Variants in DNM3 observed in about 807,000 individuals in gnomAD.
DNM3 encodes the protein dynamin 3.
Under a neutral mutation model 101.6 loss-of-function variants are expected in DNM3, and 47 were observed. The ratio of observed to expected loss-of-function variants is 0.46; its 90% confidence interval spans 0.37 to 0.59. The LOEUF (loss-of-function observed/expected upper bound fraction) is 0.59. DNM3 is among the 20% of genes least tolerant of loss of function. DNM3 has a pLI of 0.00. For synonymous variants in DNM3, 385 were observed against 387.9 expected, an observed-to-expected ratio of 0.99 and a Z score of 0.09; for missense variants, 849 against 1,085.7, an observed-to-expected ratio of 0.78 and a Z score of 3.06.
chr1:172,017,013 C>T (rs147846058), intron 4 of DNM3, among the ~76,000 whole-genome samples: 253 of 152,218 alleles, frequency 1.7e-3, no homozygotes, highest in Middle Eastern at 3.4e-3. Flanking sequence ...TTTAGGTTTT[C>T]AAATTTATGG....
intron 10 of DNM3, among the ~76,000 whole-genome samples, chr1:172,049,835 C>G (rs2050080956): frequency 6.6e-6 from 1 of 151,984 alleles, no homozygotes; most frequent in African/African-American, 2.4e-5. Flanking sequence ...TATTAGTTCC[C>G]AGTTACCTGA....
At chr1:172,056,869 G>T (rs1242161520) in intron 10 of DNM3, among the ~76,000 whole-genome samples, 1 of 152,182 alleles carries the variant, frequency 6.6e-6, no homozygotes, top group Admixed American at 6.5e-5. Context: ...GCTGAGAGAA[G>T]AAGGCTTCAG....
intron 14 of DNM3, among the ~76,000 whole-genome samples, chr1:172,150,276 C>T (rs979389948): frequency 3.9e-5 from 6 of 152,090 alleles, no homozygotes; most frequent in African/African-American, 1.4e-4. Context: ...AAAAAAAGTA[C>T]TTGGCATATA....
At chr1:172,118,581 T>C (rs2056084513) in intron 13 of DNM3, among the ~76,000 whole-genome samples, 1 of 152,186 alleles carries the variant, frequency 6.6e-6, no homozygotes, top group African/African-American at 2.4e-5. Flanking sequence ...TGGAAGATTT[T>C]TTTTTTCTGC....
At chr1:171,893,801 A>G (rs912110601) in intron 1 of DNM3, among the ~76,000 whole-genome samples, 2 of 151,890 alleles carry the variant, frequency 1.3e-5, no homozygotes, top group Non-Finnish European at 2.9e-5. Flanking sequence ...TCAATCCAAT[A>G]TAAGTTGAAA....
At chr1:172,343,342 AAG>A (rs71728776) in intron 17 of DNM3, among the ~76,000 whole-genome samples, 1,642 of 152,300 alleles carry the variant, frequency 0.011, 36 homozygotes, top group African/African-American at 0.037. Context: ...ACTAATTAAA[AAG>A]AGAGGAACTG....
intron 4 of DNM3, among the ~76,000 whole-genome samples, chr1:172,027,380 C>T (rs1381421760): frequency 6.6e-6 from 1 of 151,948 alleles, no homozygotes; most frequent in African/African-American, 2.4e-5. Context: ...GTCAGGAGTT[C>T]GAGACCAGCC....
At chr1:172,363,692 T>C (rs2067863414) in intron 17 of DNM3, among the ~76,000 whole-genome samples, 1 of 151,874 alleles carries the variant, frequency 6.6e-6, no homozygotes, top group African/African-American at 2.4e-5. Flanking sequence ...TCCTTTCTGG[T>C]GACCTTTCAA....
chr1:172,367,605 A>G (rs1377110217), intron 17 of DNM3, among the ~76,000 whole-genome samples: 1 of 151,904 alleles, frequency 6.6e-6, no homozygotes, highest in Non-Finnish European at 1.5e-5. Context: ...AATAACCTTG[A>G]ATATGAGTAG....
At chr1:171,970,546 A>G (rs1344019898) in intron 2 of DNM3, among the ~76,000 whole-genome samples, 2 of 150,490 alleles carry the variant, frequency 1.3e-5, no homozygotes, top group Non-Finnish European at 2.9e-5. Context: ...TTTAAATGTG[A>G]TAGATAGAAA....
At chr1:172,061,724 G>A (rs2051235059) in intron 10 of DNM3, among the ~76,000 whole-genome samples, 2 of 149,294 alleles carry the variant, frequency 1.3e-5, no homozygotes, top group African/African-American at 4.9e-5. Flanking sequence ...GGGAGGGATA[G>A]CATTGGGAGA....
At position 172,411,971 on chromosome 1, in the gene DNM3, A is replaced by C; in HGVS notation, c.*4130A>C. 1.0e-6 allele frequency: 1 copy of C among 985,744 alleles called. No homozygotes were observed. Among genetic ancestry groups the C allele is most frequent in the Non-Finnish European group, 1.2e-6 (1 of 829,866 alleles). The allele number at this position is 985,744 out of a possible 1,614,324, so 61.1% of individuals were successfully genotyped here. On this transcript the variant is annotated 3_prime_UTR_variant, in exon 21 of 21. Transcript: ENST00000627582. ...CATCCTGTCTGGTTGCTATGTTTAA[A>C]ATTATGTGGTGCTGTGTAGGTGAAA...
intron 14 of DNM3, among the ~76,000 whole-genome samples, chr1:172,232,465 A>G (rs944142025): frequency 5.9e-5 from 9 of 152,186 alleles, no homozygotes; most frequent in African/African-American, 2.2e-4. Flanking sequence ...CACTGTCAAC[A>G]TAAGACAGAT....
At chr1:171,940,954 A>G (rs926761381) in intron 2 of DNM3, among the ~76,000 whole-genome samples, 1 of 152,160 alleles carries the variant, frequency 6.6e-6, no homozygotes, top group Non-Finnish European at 1.5e-5. Flanking sequence ...TGTAGGTGTA[A>G]TCTTTAAAAA....
At chr1:172,157,050 A>C (rs1027923339) in intron 14 of DNM3, among the ~76,000 whole-genome samples, 1 of 152,044 alleles carries the variant, frequency 6.6e-6, no homozygotes, top group Non-Finnish European at 1.5e-5. Context: ...GGGATGATTC[A>C]AGTGCATTAA....
intron 1 of DNM3, among the ~76,000 whole-genome samples, chr1:171,849,619 G>A (rs1014837745): frequency 1.5e-4 from 23 of 152,020 alleles, no homozygotes; most frequent in African/African-American, 4.3e-4. Flanking sequence ...TTTAAAGAAA[G>A]CATTGCCCAC....
chr1:172,253,285 G>T (rs73030908), intron 14 of DNM3, among the ~76,000 whole-genome samples: 6,666 of 152,106 alleles, frequency 0.044, 446 homozygotes, highest in African/African-American at 0.14. Flanking sequence ...AGCCCTTCCT[G>T]TACACCATTC....
intron 14 of DNM3, among the ~76,000 whole-genome samples, chr1:172,207,097 C>T (rs950809998): frequency 5.4e-5 from 6 of 110,622 alleles, no homozygotes; most frequent in African/African-American, 3.1e-4. Flanking sequence ...GTTATTCTCC[C>T]CCAAGTCTAA....
intron 15 of DNM3, among the ~76,000 whole-genome samples, chr1:172,306,556 G>C (rs575187241): frequency 1.3e-5 from 2 of 152,278 alleles, no homozygotes; most frequent in South Asian, 2.1e-4. Context: ...AACCAAAAAA[G>C]AGCCCGCATT....
Sources: allele counts gnomAD v4.1 joint callset (sites outside exome capture counted in the v4.1 genomes callset), GRCh38; gene constraint gnomAD v4.1.1; transcripts MANE v1.5; gene names NCBI Gene and HGNC (gene_info 2026-07-23, HGNC 2026-07-21).